Variants in TASP1 observed in about 807,000 individuals in gnomAD.
The protein encoded by TASP1 is threonine aspartase 1.
In TASP1, 16 loss-of-function variants were observed where a neutral mutation model predicts 56.6. That is an observed-to-expected ratio of 0.28 (90% CI 0.19 to 0.43). The LOEUF is 0.43. TASP1 is among the 20% of genes least tolerant of loss of function. TASP1 has a pLI of 1.00. For synonymous variants in TASP1, 179 were observed against 184.2 expected (o/e 0.97, Z 0.23); for missense variants, 393 against 511.6 (o/e 0.77, Z 2.24).
At chr20:13,452,349 G>A (rs543989804) in intron 11 of TASP1, among the ~76,000 whole-genome samples, 8 of 149,270 alleles carry the variant, frequency 5.4e-5, no homozygotes, top group African/African-American at 7.4e-5. Context: ...TAGTGAACTC[G>A]CTGAACATAC....
At chr20:13,299,517 A>AGAAC in the TASP1 span, 1 of 1,499,502 alleles carries the variant, frequency 6.7e-7, no homozygotes, top group Non-Finnish European at 9.0e-7. The surrounding 1 kb of genome is among the most constrained non-coding windows in gnomAD (Gnocchi z 5.8). Context: ...CACGTGCTGC[A>AGAAC]CTGACGTGCC....
chr20:13,424,252 T>A (rs922996973), intron 12 of TASP1, among the ~76,000 whole-genome samples: 1 of 152,174 alleles, frequency 6.6e-6, no homozygotes, highest in African/African-American at 2.4e-5. Context: ...TCCTAATGTA[T>A]AATTAAAACT....
chr20:13,484,831 G>C (rs1228920171), intron 10 of TASP1, among the ~76,000 whole-genome samples: 1 of 151,886 alleles, frequency 6.6e-6, no homozygotes, highest in African/African-American at 2.4e-5. Flanking sequence ...TCCTTTGCAG[G>C]GACGTGGATG....
chr20:13,482,239 G>C (rs1045453412), intron 11 of TASP1, among the ~76,000 whole-genome samples: 3 of 152,002 alleles, frequency 2.0e-5, no homozygotes, highest in Admixed American at 6.6e-5. Context: ...GTGTGGATTT[G>C]TTTCTGGGTT....
the TASP1 span, among the ~76,000 whole-genome samples, chr20:13,241,871 C>T: frequency 6.6e-6 from 1 of 152,008 alleles, no homozygotes; most frequent in African/African-American, 2.4e-5. Context: ...AGTTGGATCA[C>T]TGAGTTCAAC....
the TASP1 span, among the ~76,000 whole-genome samples, chr20:13,184,003 T>C: frequency 2.4e-3 from 344 of 141,288 alleles, 2 homozygotes; most frequent in African/African-American, 8.7e-3. Context: ...CACTCCAGCC[T>C]AGGTGACAGA....
chr20:13,407,122 T>A (rs2041955313), intron 13 of TASP1, among the ~76,000 whole-genome samples: 1 of 152,198 alleles, frequency 6.6e-6, no homozygotes, highest in African/African-American at 2.4e-5. Context: ...AGAAAATTCA[T>A]CCACTTAAAT....
intron 13 of TASP1, among the ~76,000 whole-genome samples, chr20:13,403,390 T>C (rs1288604784): frequency 6.6e-6 from 1 of 152,180 alleles, no homozygotes; most frequent in Non-Finnish European, 1.5e-5. Flanking sequence ...CCTGTGGAGC[T>C]GTGGTGTGAT....
At chr20:13,383,332 C>A in the TASP1 span, among the ~76,000 whole-genome samples, 1 of 152,114 alleles carries the variant, frequency 6.6e-6, no homozygotes, top group Non-Finnish European at 1.5e-5. Flanking sequence ...TGGTAAGGAG[C>A]AGTTAGATTC....
intron 11 of TASP1, among the ~76,000 whole-genome samples, chr20:13,449,226 A>G (rs1453111229): frequency 6.6e-6 from 1 of 152,098 alleles, no homozygotes; most frequent in Non-Finnish European, 1.5e-5. Flanking sequence ...GATATGGCCA[A>G]ATAATGCAGG....
chr20:13,253,562 A>C, the TASP1 span, among the ~76,000 whole-genome samples: 1 of 152,156 alleles, frequency 6.6e-6, no homozygotes, highest in Non-Finnish European at 1.5e-5. Flanking sequence ...AGAGGTTCTC[A>C]GATGTGAGCC....
At chr20:13,426,180 G>C (rs1157833192) in intron 12 of TASP1, among the ~76,000 whole-genome samples, 1 of 152,154 alleles carries the variant, frequency 6.6e-6, no homozygotes, top group Admixed American at 6.5e-5. Flanking sequence ...TGGAAACAGG[G>C]CCACTTGGTT....
In TASP1 at chr20:13,452,143, C is replaced by T. The variant is rs79317834; in HGVS notation, c.986-16989G>A. 2.3e-3 allele frequency among the ~76,000 whole-genome samples: 346 copies of T among 152,042 alleles called. 1 individual carries two copies. The highest frequency in any genetic ancestry group is 8.0e-3 in the African/African-American group (332 of 41,492). Reference sequence around the variant, plus strand: ...TGATGACAGACTATCAGCACAGATACAGTAACAATAAAAAAGCTTGAGATA... The same window carrying T: ...TGATGACAGACTATCAGCACAGATATAGTAACAATAAAAAAGCTTGAGATA... On this transcript the variant is annotated intron_variant, in intron 11 of 13. Coordinates refer to ENST00000337743, the MANE Select transcript of TASP1 (RefSeq NM_017714.3).
intron 13 of TASP1, among the ~76,000 whole-genome samples, chr20:13,415,062 C>T (rs902938470): frequency 6.6e-6 from 1 of 152,108 alleles, no homozygotes; most frequent in African/African-American, 2.4e-5. Flanking sequence ...AACAAGGGCA[C>T]AAGTGTTTTA....
At chr20:13,576,327 G>GAGAAAGAAAGGAAGAA in intron 6 of TASP1, among the ~76,000 whole-genome samples, 1 of 122,814 alleles carries the variant, frequency 8.1e-6, no homozygotes, top group East Asian at 2.4e-4. Context: ...AGAAAGAAAA[G>GAGAAAGAAAGGAAGAA]AGAAAGAAAG....
intron 2 of TASP1, among the ~76,000 whole-genome samples, chr20:13,627,641 C>T (rs186890288): frequency 6.7e-6 from 1 of 149,778 alleles, no homozygotes; most frequent in African/African-American, 2.5e-5. Context: ...ATCCCAGTTA[C>T]TCAGGAGGCT....
At chr20:13,614,076 C>G (rs2048441132) in intron 4 of TASP1, among the ~76,000 whole-genome samples, 1 of 152,066 alleles carries the variant, frequency 6.6e-6, no homozygotes, top group East Asian at 1.9e-4. Flanking sequence ...TGCAGTTGAT[C>G]AAAGTTGGAA....
chr20:13,347,616 A>C, the TASP1 span, among the ~76,000 whole-genome samples: 1 of 152,204 alleles, frequency 6.6e-6, no homozygotes, highest in South Asian at 2.1e-4. Flanking sequence ...AGGCAGGTGG[A>C]TCACTTGAGG....
chr20:13,488,828 C>T (rs976818742), intron 10 of TASP1, among the ~76,000 whole-genome samples: 1 of 152,092 alleles, frequency 6.6e-6, no homozygotes, highest in African/African-American at 2.4e-5. Flanking sequence ...AACTGCCATC[C>T]ATTAATTCTG....
Sources: gnomAD v4.1 joint callset for allele counts (sites outside exome capture counted in the v4.1 genomes callset) on GRCh38, gnomAD v4.1.1 for gene constraint, Gnocchi (gnomAD v3.1) non-coding constraint, MANE v1.5 for transcripts, NCBI Gene and HGNC (gene_info 2026-07-23, HGNC 2026-07-21) for gene names.